Variants in INSR observed in about 807,000 individuals in gnomAD.
INSR encodes insulin receptor.
INSR carries 67 observed loss-of-function variants against 142.6 expected under a neutral mutation model. The ratio of observed to expected loss-of-function variants is 0.47; its 90% CI spans 0.39 to 0.58. The LOEUF is 0.58. Ranked by LOEUF, INSR falls within the 20% of genes least tolerant of loss-of-function variation. The pLI is 0.00. For missense variants in INSR, 1,248 were observed against 1,833.2 expected, an observed-to-expected ratio of 0.68 and a Z score of 5.83; for synonymous variants, 756 against 743.1, an observed-to-expected ratio of 1.02 and a Z score of -0.28.
chr19:7,158,414 T>C (rs938183577), intron 9 of INSR, among the ~76,000 whole-genome samples: 5 of 151,994 alleles, frequency 3.3e-5, no homozygotes, highest in African/African-American at 1.2e-4. Flanking sequence ...CGCAGGAGAA[T>C]GGCGTGAACC....
chr19:7,149,971 A>C (rs913244241), intron 11 of INSR, among the ~76,000 whole-genome samples: 4 of 53,280 alleles, frequency 7.5e-5, no homozygotes, highest in African/African-American at 2.3e-4. Flanking sequence ...GAAGGAAGGA[A>C]GGAAGGAAGG....
At chr19:7,219,169 C>G (rs564174249) in intron 2 of INSR, among the ~76,000 whole-genome samples, 3 of 152,292 alleles carry the variant, frequency 2.0e-5, no homozygotes, top group Admixed American at 2.0e-4. Flanking sequence ...TTAGGCTTCC[C>G]AGGACCTGGG....
intron 13 of INSR, among the ~76,000 whole-genome samples, chr19:7,137,795 T>C (rs1268975332): frequency 3.7e-5 from 1 of 27,148 alleles, no homozygotes; most frequent in African/African-American, 1.6e-4. Context: ...TGAGACTCCA[T>C]CTCAAAAAAA....
chr19:7,201,815 C>A (rs1415726340), intron 2 of INSR, among the ~76,000 whole-genome samples: 1 of 129,614 alleles, frequency 7.7e-6, no homozygotes, highest in African/African-American at 3.0e-5. Flanking sequence ...GGCGCGGCCA[C>A]CACGCCTAGC....
At chr19:7,195,927 CTTTCTTTTTT>C (rs1186365396) in intron 2 of INSR, among the ~76,000 whole-genome samples, 4 of 99,874 alleles carry the variant, frequency 4.0e-5, no homozygotes, top group South Asian at 2.7e-4. Context: ...TCTTTCTTTT[CTTTCTTTTTT>C]TTTTTTTTTT....
chr19:7,176,777 C>T (rs1974144271), intron 3 of INSR, among the ~76,000 whole-genome samples: 1 of 152,136 alleles, frequency 6.6e-6, no homozygotes, highest in Non-Finnish European at 1.5e-5. Flanking sequence ...CCAATTAAAC[C>T]TCTTTTCTTT....
chr19:7,121,554 C>T (rs535479419), intron 19 of INSR, among the ~76,000 whole-genome samples: 2 of 152,164 alleles, frequency 1.3e-5, no homozygotes, highest in Non-Finnish European at 2.9e-5. Flanking sequence ...GCAGCCTCCA[C>T]CTCCTGGGCT....
chr19:7,242,518 A>G (rs1976384921), intron 2 of INSR, among the ~76,000 whole-genome samples: 1 of 151,894 alleles, frequency 6.6e-6, no homozygotes, highest in Non-Finnish European at 1.5e-5. Context: ...AGGGCAGATC[A>G]CTTGAGGTCA....
chr19:7,232,771 C>T (rs1370760026), intron 2 of INSR, among the ~76,000 whole-genome samples: 1 of 151,740 alleles, frequency 6.6e-6, no homozygotes, highest in Non-Finnish European at 1.5e-5. Flanking sequence ...GATCCCGCCA[C>T]TGCACTCCAG....
intron 2 of INSR, among the ~76,000 whole-genome samples, chr19:7,228,361 T>C (rs1975853036): frequency 6.6e-6 from 1 of 152,230 alleles, no homozygotes; most frequent in Non-Finnish European, 1.5e-5. Context: ...TTATGTCTCT[T>C]GCATCTATGA....
At chr19:7,217,462 G>A (rs1301398962) in intron 2 of INSR, among the ~76,000 whole-genome samples, 1 of 152,228 alleles carries the variant, frequency 6.6e-6, no homozygotes, top group Non-Finnish European at 1.5e-5. Context: ...TCTGGGGGAA[G>A]GGAGAGGCAT....
In INSR at chr19:7,166,067, A is replaced by C; in HGVS notation, c.1861+87T>G. 6.8e-7 allele frequency: 1 copy of C among 1,466,542 alleles called. No individual in the cohort carries two copies. Among genetic ancestry groups the C allele is most frequent in the Non-Finnish European group, 9.5e-7 (1 of 1,049,044 alleles). 90.8% of individuals were successfully genotyped at this position (1,466,542 alleles called of 1,614,324 possible). A position where few individuals can be genotyped will look rare whatever the true frequency, so the allele number is the denominator to read the frequency against. ...AAAAAAGCCAATAACCATATCAAGG[A>C]GCATTTTATACAACCTCACTGCATC... On this transcript the variant is annotated intron_variant, in intron 8 of 21. Transcript: ENST00000302850. This position sits in a 1 kb window ranked among gnomAD's most constrained non-coding sequence, Gnocchi z 4.1.
At chr19:7,163,476 C>T (rs923052530) in intron 8 of INSR, among the ~76,000 whole-genome samples, 2 of 151,512 alleles carry the variant, frequency 1.3e-5, no homozygotes, top group South Asian at 2.1e-4. Flanking sequence ...AGGAGAATGG[C>T]GTGAACCTGG....
chr19:7,118,464 C>A (rs1255713872), intron 21 of INSR, among the ~76,000 whole-genome samples: 2 of 151,548 alleles, frequency 1.3e-5, no homozygotes, highest in Admixed American at 6.6e-5. Context: ...ATTACAGGCG[C>A]CCACGACCGC....
Position 7,125,181 on chromosome 19 carries a change from GAGGTT to G in INSR, c.3258+97_3258+101del. 2 of 1,406,258 alleles carry G rather than the reference GAGGTT, an allele frequency of 1.4e-6. No homozygotes were observed. Among genetic ancestry groups the G allele is most frequent in the South Asian group, 1.2e-5 (1 of 84,568 alleles). The allele number at this position is 1,406,258 out of a possible 1,614,324, so 87.1% of individuals were successfully genotyped here. A position where few individuals can be genotyped will look rare whatever the true frequency, so the allele number is the denominator to read the frequency against. On this transcript the variant is annotated intron_variant, in intron 17 of 21. Coordinates refer to ENST00000302850, the MANE Select transcript of INSR (RefSeq NM_000208.4). The surrounding 1 kb of genome is among the most constrained non-coding windows in gnomAD (Gnocchi z 4.9). ...GCTTAGTGGAGTGAGGGGTGGGTAG[GAGGTT>G]ACACCCTGTGTCCTCTGTCGCTCTG...
chr19:7,149,862 C>T (rs1346866833), intron 11 of INSR, among the ~76,000 whole-genome samples: 1 of 137,422 alleles, frequency 7.3e-6, no homozygotes, highest in Non-Finnish European at 1.5e-5. Flanking sequence ...GAGGGAGGGA[C>T]GGACGGAGGG....
rs568866157 is a variant in INSR at position 7,148,059 on chromosome 19, G to A, written c.2267+2438C>T. ...CTCCCAAGTAGCTGGGATTACAGGCGTGCATCATCATGCCCGGCTAATTTT... is the reference window on the plus strand; with the variant it reads ...CTCCCAAGTAGCTGGGATTACAGGCATGCATCATCATGCCCGGCTAATTTT... On this transcript the variant is annotated intron_variant, in intron 11 of 21. Coordinates refer to ENST00000302850, the MANE Select transcript of INSR (RefSeq NM_000208.4). Among the ~76,000 whole-genome samples, 317 of 152,042 alleles carry A rather than the reference G, an allele frequency of 2.1e-3. 3 individuals carry two copies. Among genetic ancestry groups the A allele is most frequent in the African/African-American group, 6.9e-3 (285 of 41,464 alleles).
intron 15 of INSR, among the ~76,000 whole-genome samples, chr19:7,127,933 G>A (rs1325350840): frequency 4.6e-5 from 7 of 151,814 alleles, no homozygotes; most frequent in Admixed American, 1.3e-4. Context: ...TAGTAGAGAC[G>A]GGGTTTCACC....
At chr19:7,227,276 CTT>C (rs67054555) in intron 2 of INSR, among the ~76,000 whole-genome samples, 70 of 148,408 alleles carry the variant, frequency 4.7e-4, no homozygotes, top group East Asian at 2.4e-3. Flanking sequence ...CATTTGCATT[CTT>C]TTTTTTTTTT....
Sources: gnomAD v4.1 joint callset for allele counts (sites outside exome capture counted in the v4.1 genomes callset) on GRCh38, gnomAD v4.1.1 for gene constraint, Gnocchi (gnomAD v3.1) non-coding constraint, MANE v1.5 for transcripts, NCBI Gene and HGNC (gene_info 2026-07-23, HGNC 2026-07-21) for gene names.